Variants in NDE1 observed in about 807,000 individuals in gnomAD.
NDE1 encodes the protein nuclear distribution protein nudE homolog 1.
NDE1 carries 28 observed loss-of-function variants against 43.4 expected under a neutral mutation model. The observed-to-expected ratio is 0.65, with a 90% CI of 0.48 to 0.89. The LOEUF (loss-of-function observed/expected upper bound fraction) is 0.89. Ranked by LOEUF, NDE1 falls within the 40% of genes least tolerant of loss-of-function variation. The probability of loss-of-function intolerance (pLI) is 0.00; values close to 1 mark genes in which losing one functional copy is unlikely to be tolerated. For missense variants in NDE1, 441 were observed against 434.1 expected, an observed-to-expected ratio of 1.02 and a Z score of -0.14; for synonymous variants, 184 against 172.0, an observed-to-expected ratio of 1.07 and a Z score of -0.55.
At chr16:15,697,043 GC>G in intron 8 of NDE1, 183 bp downstream of exon 8, 1 of 1,509,504 alleles carries the variant, frequency 6.6e-7, no homozygotes, top group Non-Finnish European at 8.8e-7. Flanking sequence ...TGAACAAAGG[GC>G]TAGAGAGAGG....
chr16:15,679,306 G>T, intron 4 of NDE1, among the ~76,000 whole-genome samples: 1 of 151,788 alleles, frequency 6.6e-6, no homozygotes, highest in Non-Finnish European at 1.5e-5. Flanking sequence ...TCCTCAGAGA[G>T]TTTTTTTTCT....
chr16:15,707,099 C>T (rs937404949), intron 8 of NDE1, among the ~76,000 whole-genome samples: 13 of 152,052 alleles, frequency 8.5e-5, no homozygotes, highest in Non-Finnish European at 1.5e-5. Flanking sequence ...AGTGCAGTGG[C>T]GTGATCTTGG....
In NDE1 at chr16:15,724,265, T is replaced by G; in HGVS notation, c.*14T>G. 6.2e-7 allele frequency: 1 copy of G among 1,614,200 alleles called. No individual in the cohort carries two copies. The highest frequency in any genetic ancestry group is 8.5e-7 in the Non-Finnish European group (1 of 1,180,028). ...AGCTCCTGCTGAAGCCTGTTCTTGG[T>G]CTTTTCCAGTTTATCATAAGCGGCC... On this transcript the variant is annotated 3_prime_UTR_variant, in exon 9 of 9. Coordinates refer to ENST00000396354, the MANE Select transcript of NDE1 (RefSeq NM_017668.3).
chr16:15,652,954 C>T (rs944478927), intron 1 of NDE1, among the ~76,000 whole-genome samples: 2 of 152,116 alleles, frequency 1.3e-5, no homozygotes, highest in Admixed American at 6.5e-5. Context: ...AGAGCCACCG[C>T]GCCTGGCCTA....
chr16:15,700,034 G>T (rs548939338), intron 8 of NDE1: 70 of 1,183,422 alleles, frequency 5.9e-5, no homozygotes, highest in Non-Finnish European at 6.8e-5. Context: ...ACCTGCCACC[G>T]TGTGCATTGC....
At chr16:15,667,753 TC>T (rs1340448887) in intron 3 of NDE1, among the ~76,000 whole-genome samples, 1 of 149,026 alleles carries the variant, frequency 6.7e-6, no homozygotes, top group Non-Finnish European at 1.5e-5. Flanking sequence ...TGCCTCAGCC[TC>T]CTGAGTAGCT....
In NDE1 at chr16:15,725,771, G is replaced by A. The variant is rs987897665; in HGVS notation, c.*1520G>A. 17 of 398,662 alleles carry A rather than the reference G, an allele frequency of 4.3e-5. No homozygotes were observed. The Admixed American group carries it at 7.5e-4, about 18-fold the overall frequency. The allele number at this position is 398,662 out of a possible 1,614,324, so 24.7% of individuals were successfully genotyped here. On this transcript the variant is annotated 3_prime_UTR_variant, in exon 9 of 9. Transcript: ENST00000396354. The stretch of plus-strand genomic sequence containing the variant: ...TTGGCCACGTCCCCATGAGTGGCAA[G>A]GCAGGGTAAATGGCTATGCCAAGTG...
chr16:15,715,762 T>C (rs943575569), intron 8 of NDE1, among the ~76,000 whole-genome samples: 1 of 152,118 alleles, frequency 6.6e-6, no homozygotes, highest in African/African-American at 2.4e-5. Flanking sequence ...TCCTCCCACC[T>C]CAGCCTCCCA....
intron 1 of NDE1, among the ~76,000 whole-genome samples, chr16:15,664,350 G>GTTTA (rs1039713018): frequency 5.9e-5 from 9 of 151,944 alleles, no homozygotes; most frequent in South Asian, 2.1e-4. Context: ...CCAGCATAAA[G>GTTTA]TTTATTTATT....
At chr16:15,673,357 C>A (rs575830321) in intron 3 of NDE1, among the ~76,000 whole-genome samples, 1 of 152,080 alleles carries the variant, frequency 6.6e-6, no homozygotes, top group Admixed American at 6.6e-5. Context: ...GCACTTGCCA[C>A]CACACCCAGC....
At chr16:15,717,978 A>AT (rs2040254875) in intron 8 of NDE1, 3 of 410,364 alleles carry the variant, frequency 7.3e-6, no homozygotes, top group Non-Finnish European at 1.4e-5. Context: ...TGACATCACC[A>AT]AGGGCTCACT....
At chr16:15,680,964 G>T (rs2038144620) in intron 4 of NDE1, among the ~76,000 whole-genome samples, 1 of 150,034 alleles carries the variant, frequency 6.7e-6, no homozygotes. Context: ...TTTCTCTTTT[G>T]AAAAAAAATT....
intron 6 of NDE1, among the ~76,000 whole-genome samples, chr16:15,692,960 C>T (rs1442277863): frequency 6.6e-6 from 1 of 151,158 alleles, no homozygotes; most frequent in African/African-American, 2.4e-5. Context: ...GAATGTACCT[C>T]AGATCAAGTG....
rs2037645894 is a variant in NDE1, at chr16:15,672,478, C to T, written c.237+5039C>T. 3.3e-5 allele frequency among the ~76,000 whole-genome samples: 5 copies of T among 152,112 alleles called. No individual in the cohort carries two copies. In the South Asian group the frequency reaches 1.0e-3, roughly 31 times the overall value. ...AGGGTACCTTGGAATAACGAGGACCCTGCCACCAGCAAGTATTTGTCAGTC... is the reference window on the plus strand; with the variant it reads ...AGGGTACCTTGGAATAACGAGGACCTTGCCACCAGCAAGTATTTGTCAGTC... On this transcript the variant is annotated intron_variant, in intron 3 of 8. Coordinates refer to ENST00000396354, the MANE Select transcript of NDE1 (RefSeq NM_017668.3).
intron 3 of NDE1, among the ~76,000 whole-genome samples, chr16:15,675,389 G>A (rs924510296): frequency 6.6e-6 from 1 of 151,092 alleles, no homozygotes; most frequent in African/African-American, 2.4e-5. Context: ...TAGTAGATAC[G>A]GGGTTTCGCC....
At position 15,717,316 on chromosome 16, in the gene NDE1, C is replaced by T. The variant is rs773366562; in HGVS notation, c.948-6875C>T. The T allele has an allele frequency of 8.1e-6, 13 of 1,611,162 alleles. No individual in the cohort carries two copies. The highest frequency in any genetic ancestry group is 1.1e-5 in the Non-Finnish European group (13 of 1,180,032). ...TCTCATTCTTCTGGGCCGTGCTGCG[C>T]TCTGTGGCCAGCTCGTTGCTGAGCT... is the stretch of plus-strand genomic sequence containing the variant. On this transcript the variant is annotated intron_variant, in intron 8 of 8. Transcript: ENST00000396354.
chr16:15,700,822 G>C (rs1413938833), intron 8 of NDE1, among the ~76,000 whole-genome samples: 2 of 152,094 alleles, frequency 1.3e-5, no homozygotes, highest in Non-Finnish European at 1.5e-5. Context: ...TCTCTCAGAG[G>C]CTCTTCCCCC....
At chr16:15,701,001 C>T (rs1435285056) in intron 8 of NDE1, among the ~76,000 whole-genome samples, 1 of 151,900 alleles carries the variant, frequency 6.6e-6, no homozygotes, top group Non-Finnish European at 1.5e-5. Flanking sequence ...TTTGGAAGGC[C>T]GAGGCGGGTG....
At chr16:15,687,018 T>TG in intron 4 of NDE1, 1 of 985,452 alleles carries the variant, frequency 1.0e-6, no homozygotes, top group Non-Finnish European at 1.2e-6. Flanking sequence ...TTTTTAATGC[T>TG]GGTTGGCATT....
Sources: allele counts gnomAD v4.1 joint callset (sites outside exome capture counted in the v4.1 genomes callset), GRCh38; gene constraint gnomAD v4.1.1; transcripts MANE v1.5; gene names NCBI Gene and HGNC (gene_info 2026-07-23, HGNC 2026-07-21).